Variants in SGCZ observed in about 807,000 individuals in gnomAD.
The protein encoded by SGCZ is sarcoglycan zeta, also known as zeta-sarcoglycan.
A neutral mutation model predicts 41.3 loss-of-function variants in SGCZ; 40 were observed. That is an observed-to-expected ratio of 0.97 (90% CI 0.75 to 1.26). SGCZ has a LOEUF of 1.26. SGCZ is among the 50% of genes most tolerant of loss of function. The pLI is 0.00. For missense variants in SGCZ, 552 were observed against 369.8 expected, an observed-to-expected ratio of 1.49 and a Z score of -4.04; for synonymous variants, 206 against 137.5, an observed-to-expected ratio of 1.50 and a Z score of -3.49.
chr8:14,910,274 AT>A (rs1293354425), intron 1 of SGCZ, among the ~76,000 whole-genome samples: 1 of 152,024 alleles, frequency 6.6e-6, no homozygotes, highest in Non-Finnish European at 1.5e-5. Context: ...ATTTATAATG[AT>A]TTTCACCAAT....
At chr8:14,434,439 A>G (rs1585507415) in intron 2 of SGCZ, among the ~76,000 whole-genome samples, 1 of 152,204 alleles carries the variant, frequency 6.6e-6, no homozygotes, top group African/African-American at 2.4e-5. Context: ...AGTCTTGCTT[A>G]GACCATGTCG....
At chr8:14,358,255 A>G (rs1803366775) in intron 2 of SGCZ, among the ~76,000 whole-genome samples, 3 of 152,194 alleles carry the variant, frequency 2.0e-5, no homozygotes, top group Admixed American at 2.0e-4. Flanking sequence ...TTGTAATTAT[A>G]ATATTTTTAG....
intron 3 of SGCZ, among the ~76,000 whole-genome samples, chr8:14,302,602 C>A (rs1801233557): frequency 6.6e-6 from 1 of 152,086 alleles, no homozygotes; most frequent in Non-Finnish European, 1.5e-5. Context: ...ATGTGGCTGG[C>A]TGGCTCCTTC....
intron 2 of SGCZ, among the ~76,000 whole-genome samples, chr8:14,372,604 G>A (rs1803954567): frequency 6.6e-6 from 1 of 152,114 alleles, no homozygotes. Context: ...CAGATTTGTA[G>A]GAGCAGCCTC....
chr8:14,102,353 G>C, intron 7 of SGCZ, 23 bp downstream of exon 7: 1 of 1,450,400 alleles, frequency 6.9e-7, no homozygotes, highest in Non-Finnish European at 9.2e-7. Context: ...TATAGGGCGA[G>C]GGTCCAACTT....
At chr8:15,075,974 T>A (rs1805515184) in intron 1 of SGCZ, among the ~76,000 whole-genome samples, 1 of 152,164 alleles carries the variant, frequency 6.6e-6, no homozygotes, top group Non-Finnish European at 1.5e-5. Flanking sequence ...GTATTGACTT[T>A]TTCATGGAAC....
At chr8:14,525,733 G>A (rs111427316) in intron 2 of SGCZ, among the ~76,000 whole-genome samples, 19 of 152,160 alleles carry the variant, frequency 1.2e-4, no homozygotes, top group African/African-American at 4.1e-4. Context: ...TATTTCAAAC[G>A]TTAAGCAGAT....
chr8:14,499,639 C>G (rs547292470), intron 2 of SGCZ, among the ~76,000 whole-genome samples: 3 of 152,152 alleles, frequency 2.0e-5, no homozygotes, highest in African/African-American at 7.2e-5. Flanking sequence ...GTCAGAATTT[C>G]TTCTGCTAGT....
At chr8:14,307,087 A>C (rs1263332145) in intron 3 of SGCZ, among the ~76,000 whole-genome samples, 2 of 152,204 alleles carry the variant, frequency 1.3e-5, no homozygotes, top group East Asian at 3.9e-4. Flanking sequence ...TATCAGAAAA[A>C]GAGCAAGTAC....
chr8:14,634,647 A>C (rs1448100416), intron 1 of SGCZ, among the ~76,000 whole-genome samples: 1 of 151,906 alleles, frequency 6.6e-6, no homozygotes, highest in Non-Finnish European at 1.5e-5. Context: ...TGAGGTCTCC[A>C]ATTTCACTGG....
intron 1 of SGCZ, among the ~76,000 whole-genome samples, chr8:14,804,413 C>T (rs13250702): frequency 0.33 from 40,514 of 123,378 alleles, 7,078 homozygotes; most frequent in East Asian, 0.4. Context: ...AACCAAGGCT[C>T]GAGAACTCCG....
At chr8:14,411,154 T>C (rs1287409500) in intron 2 of SGCZ, among the ~76,000 whole-genome samples, 1 of 152,088 alleles carries the variant, frequency 6.6e-6, no homozygotes, top group East Asian at 1.9e-4. Context: ...TGAGATTAAG[T>C]TTTCAAATTA....
At chr8:14,217,628 G>GTTTTTTTT (rs1168241820) in intron 4 of SGCZ, among the ~76,000 whole-genome samples, 1 of 100,830 alleles carries the variant, frequency 9.9e-6, no homozygotes, top group Non-Finnish European at 1.9e-5. Flanking sequence ...TTCAACTAAA[G>GTTTTTTTT]TTTTTTTTTT....
intron 4 of SGCZ, among the ~76,000 whole-genome samples, chr8:14,199,746 G>C (rs113384276): frequency 6.3e-4 from 96 of 152,056 alleles, no homozygotes; most frequent in African/African-American, 2.3e-3. Context: ...AATTTCCCCC[G>C]ATATATTCTA....
chr8:14,905,594 C>T (rs1354321314), intron 1 of SGCZ, among the ~76,000 whole-genome samples: 1 of 151,266 alleles, frequency 6.6e-6, no homozygotes, highest in Non-Finnish European at 1.5e-5. Flanking sequence ...AATCTCTGCC[C>T]ACACACAAAC....
At chr8:15,082,246 T>A (rs796901459) in intron 1 of SGCZ, among the ~76,000 whole-genome samples, 2 of 151,840 alleles carry the variant, frequency 1.3e-5, no homozygotes, top group South Asian at 4.2e-4. Context: ...AATAAATAAA[T>A]AAAAATAAGA....
At chr8:14,696,311 A>T (rs1404765476) in intron 1 of SGCZ, among the ~76,000 whole-genome samples, 2 of 152,110 alleles carry the variant, frequency 1.3e-5, no homozygotes, top group Admixed American at 6.6e-5. Context: ...CGGTATCAGG[A>T]TAAAAGATGT....
At chr8:14,435,712 C>G (rs1457215036) in intron 2 of SGCZ, among the ~76,000 whole-genome samples, 2 of 152,126 alleles carry the variant, frequency 1.3e-5, no homozygotes, top group East Asian at 3.8e-4. Flanking sequence ...TTTTATAAAT[C>G]TCAAAGTAGA....
intron 1 of SGCZ, among the ~76,000 whole-genome samples, chr8:14,578,940 G>A (rs1463996): frequency 0.1 from 15,734 of 151,888 alleles, 1,077 homozygotes; most frequent in East Asian, 0.3. Flanking sequence ...CTCTTCTGTC[G>A]TTTACTTTAG....
Sources: allele counts gnomAD v4.1 joint callset (sites outside exome capture counted in the v4.1 genomes callset), GRCh38; gene constraint gnomAD v4.1.1; transcripts MANE v1.5; gene names NCBI Gene and HGNC (gene_info 2026-07-23, HGNC 2026-07-21).